The following MAGI2 variants were observed in gnomAD, a reference collection of about 807,000 sequenced individuals.
MAGI2 encodes membrane associated guanylate kinase, WW and PDZ domain containing 2.
MAGI2 carries 35 observed loss-of-function variants against 133.3 expected under a neutral mutation model. That is an observed-to-expected ratio of 0.26 (90% CI 0.20 to 0.35). MAGI2 has a LOEUF of 0.35. Among genes scored for constraint, MAGI2 ranks in the 10% least tolerant of loss-of-function variants. The pLI, the probability that MAGI2 is intolerant of heterozygous loss-of-function variation, is 1.00. For synonymous variants in MAGI2, 729 were observed against 710.6 expected (o/e 1.03, Z -0.41); for missense variants, 1,636 against 1,863.4 (o/e 0.88, Z 2.25).
At chr7:79,025,045 C>T (rs1562801065) in intron 1 of MAGI2, among the ~76,000 whole-genome samples, 1 of 152,080 alleles carries the variant, frequency 6.6e-6, no homozygotes, top group East Asian at 1.9e-4. Flanking sequence ...CATAAAGAGA[C>T]ACATATGCAT....
chr7:78,538,984 G>T (rs1798190834), intron 3 of MAGI2, among the ~76,000 whole-genome samples: 1 of 152,202 alleles, frequency 6.6e-6, no homozygotes, highest in African/African-American at 2.4e-5. Flanking sequence ...AAAAGATACA[G>T]TGGAACATGA....
chr7:78,698,004 C>T (rs1218074914), intron 2 of MAGI2, among the ~76,000 whole-genome samples: 3 of 152,160 alleles, frequency 2.0e-5, no homozygotes, highest in Non-Finnish European at 4.4e-5. Flanking sequence ...ATTAAGAATT[C>T]ACTATTAGCC....
intron 2 of MAGI2, among the ~76,000 whole-genome samples, chr7:78,897,659 T>G (rs1025787686): frequency 6.6e-6 from 1 of 152,230 alleles, no homozygotes; most frequent in Non-Finnish European, 1.5e-5. Context: ...TTTTTCTAGT[T>G]CTGTGAAGAA....
intron 2 of MAGI2, among the ~76,000 whole-genome samples, chr7:78,921,292 C>T (rs1026119193): frequency 1.3e-5 from 2 of 152,112 alleles, no homozygotes; most frequent in East Asian, 1.9e-4. Context: ...TTCTATTCCA[C>T]GTTCCTAAAG....
rs149964502 is a variant in MAGI2 at position 79,363,728 on chromosome 7, A to T, written c.301+89292T>A. Reference sequence around the variant, plus strand: ...AAAAAAACAGAATTGCATCAAACTAAAAAGCTTCTGCATAGCTCAGGAAAG... The same window carrying T: ...AAAAAAACAGAATTGCATCAAACTATAAAGCTTCTGCATAGCTCAGGAAAG... On this transcript the variant is annotated intron_variant, in intron 1 of 21. Coordinates refer to ENST00000354212, the MANE Select transcript of MAGI2 (RefSeq NM_012301.4). Among the ~76,000 whole-genome samples, 291 of 151,772 alleles carry T rather than the reference A, an allele frequency of 1.9e-3. 1 individual carries two copies. Among genetic ancestry groups the T allele is most frequent in the African/African-American group, 6.7e-3 (279 of 41,526 alleles).
At chr7:78,059,511 C>T (rs1179209136) in intron 21 of MAGI2, among the ~76,000 whole-genome samples, 1 of 152,182 alleles carries the variant, frequency 6.6e-6, no homozygotes, top group Non-Finnish European at 1.5e-5. Context: ...TCAAAATCAT[C>T]TCTGACAATA....
intron 2 of MAGI2, among the ~76,000 whole-genome samples, chr7:78,810,818 A>C (rs1208618899): frequency 6.6e-6 from 1 of 152,090 alleles, no homozygotes; most frequent in East Asian, 1.9e-4. Flanking sequence ...TCATGTAAAA[A>C]TAAGGGAGTG....
chr7:78,411,931 A>T (rs1283792343), intron 6 of MAGI2, among the ~76,000 whole-genome samples: 2 of 152,064 alleles, frequency 1.3e-5, no homozygotes, highest in Non-Finnish European at 2.9e-5. Context: ...GCAAATCAAC[A>T]TTACATTTTT....
At chr7:78,119,785 C>A (rs1311618331) in intron 20 of MAGI2, among the ~76,000 whole-genome samples, 1 of 151,744 alleles carries the variant, frequency 6.6e-6, no homozygotes, top group African/African-American at 2.4e-5. Context: ...ACCCTAAAAC[C>A]GCTCTTAAAA....
chr7:78,963,959 C>T (rs992200648), intron 2 of MAGI2, among the ~76,000 whole-genome samples: 2 of 151,926 alleles, frequency 1.3e-5, no homozygotes, highest in African/African-American at 4.8e-5. Context: ...GTCTCATTAG[C>T]TCAGAGATTA....
chr7:78,367,962 T>A (rs1793548950), intron 7 of MAGI2, among the ~76,000 whole-genome samples: 1 of 152,326 alleles, frequency 6.6e-6, no homozygotes, highest in East Asian at 1.9e-4. Context: ...TATCTTACTT[T>A]TTTTGTATTT....
intron 9 of MAGI2, among the ~76,000 whole-genome samples, chr7:78,262,714 T>C (rs1793630181): frequency 6.6e-6 from 1 of 152,170 alleles, no homozygotes; most frequent in Admixed American, 6.6e-5. Context: ...GGGCATCATG[T>C]TATAAAAAGA....
intron 2 of MAGI2, among the ~76,000 whole-genome samples, chr7:78,825,466 T>A (rs1264694612): frequency 2.6e-5 from 4 of 152,218 alleles, no homozygotes; most frequent in Admixed American, 6.5e-5. Flanking sequence ...GATTTTGTAG[T>A]ACGTTTTAAT....
chr7:79,147,868 G>C (rs992959137), intron 1 of MAGI2, among the ~76,000 whole-genome samples: 3 of 152,176 alleles, frequency 2.0e-5, no homozygotes, highest in Non-Finnish European at 4.4e-5. Context: ...CCTCCGGCCA[G>C]GTATGTCCAG....
At chr7:79,345,696 TTAAAA>T (rs1841262023) in intron 1 of MAGI2, among the ~76,000 whole-genome samples, 1 of 152,106 alleles carries the variant, frequency 6.6e-6, no homozygotes, top group Non-Finnish European at 1.5e-5. Flanking sequence ...AATTGGCAAT[TTAAAA>T]TAAACTTTGT....
In MAGI2 at chr7:78,317,678, C is replaced by T. The variant is rs183304427; in HGVS notation, c.1408+26100G>A. On this transcript the variant is annotated intron_variant, in intron 9 of 21. Coordinates refer to ENST00000354212, the MANE Select transcript of MAGI2 (RefSeq NM_012301.4). ...CCTCCTCAAGTGGGTCCCTGACCCC[C>T]GTGTATCCTGACTGGGAGACACCTC... 1.8e-4 allele frequency among the ~76,000 whole-genome samples: 27 copies of T among 152,270 alleles called. 1 individual carries two copies. The East Asian group carries it at 4.8e-3, about 27-fold the overall frequency.
At chr7:78,416,617 G>A (rs538804074) in intron 6 of MAGI2, among the ~76,000 whole-genome samples, 42 of 152,216 alleles carry the variant, frequency 2.8e-4, no homozygotes, top group Admixed American at 7.9e-4. Context: ...AAGTATAGTT[G>A]TAAACCATTG....
At chr7:79,022,920 T>C (rs1203450258) in intron 1 of MAGI2, among the ~76,000 whole-genome samples, 1 of 152,064 alleles carries the variant, frequency 6.6e-6, no homozygotes, top group Non-Finnish European at 1.5e-5. Context: ...TTCTACCAGA[T>C]ATATAAGGAA....
intron 1 of MAGI2, among the ~76,000 whole-genome samples, chr7:79,123,053 C>T (rs1708527202): frequency 6.6e-6 from 1 of 152,138 alleles, no homozygotes; most frequent in Non-Finnish European, 1.5e-5. Flanking sequence ...ATGAAGGAAA[C>T]AACCACCAAC....
Sources: allele counts gnomAD v4.1 joint callset (sites outside exome capture counted in the v4.1 genomes callset), GRCh38; gene constraint gnomAD v4.1.1; transcripts MANE v1.5; gene names NCBI Gene and HGNC (gene_info 2026-07-23, HGNC 2026-07-21).